Variants in RNF152 observed in about 807,000 individuals in gnomAD.
RNF152 encodes ring finger protein 152.
In RNF152, 11 loss-of-function variants were observed where a neutral mutation model predicts 12.7. The observed-to-expected ratio is 0.86, with a 90% confidence interval of 0.54 to 1.43. The LOEUF is 1.43. Ranked by LOEUF, RNF152 falls within the 40% of genes most tolerant of loss-of-function variation. RNF152 has a pLI of 0.00. For missense variants in RNF152, 255 were observed against 274.8 expected (o/e 0.93, Z 0.51); for synonymous variants, 113 against 120.3 (o/e 0.94, Z 0.40).
At chr18:61,869,189 A>G (rs1458009184) in intron 1 of RNF152, among the ~76,000 whole-genome samples, 1 of 152,196 alleles carries the variant, frequency 6.6e-6, no homozygotes. Flanking sequence ...ACAAAACCCT[A>G]ATTAGTAAAA....
chr18:61,875,307 T>C (rs1418441948), intron 1 of RNF152, among the ~76,000 whole-genome samples: 1 of 152,254 alleles, frequency 6.6e-6, no homozygotes. Flanking sequence ...GTAAAATCTT[T>C]TCAATATTTT....
chr18:61,851,496 T>C (rs1910976964), intron 1 of RNF152, among the ~76,000 whole-genome samples: 1 of 152,190 alleles, frequency 6.6e-6, no homozygotes, highest in Admixed American at 6.5e-5. Flanking sequence ...CTCCGTGCCT[T>C]ATCTCATCCT....
intron 1 of RNF152, among the ~76,000 whole-genome samples, chr18:61,833,554 A>C (rs1226498596): frequency 3.3e-5 from 5 of 152,188 alleles, no homozygotes; most frequent in African/African-American, 1.2e-4. Flanking sequence ...ACAGAACCAC[A>C]GACACACACA....
chr18:61,822,967 T>C (rs1043923938), intron 1 of RNF152, among the ~76,000 whole-genome samples: 1 of 152,244 alleles, frequency 6.6e-6, no homozygotes, highest in Admixed American at 6.5e-5. Flanking sequence ...TCATCTGGTA[T>C]TTCAGCTGGC....
chr18:61,876,811 C>T (rs1284626081), intron 1 of RNF152, among the ~76,000 whole-genome samples: 1 of 152,206 alleles, frequency 6.6e-6, no homozygotes, highest in Non-Finnish European at 1.5e-5. Context: ...GAGCCTGGCA[C>T]ACAATTCATG....
intron 1 of RNF152, among the ~76,000 whole-genome samples, chr18:61,884,212 G>A (rs188601745): frequency 7.1e-6 from 1 of 140,296 alleles, no homozygotes; most frequent in East Asian, 2.3e-4. Context: ...CAATGAGGTC[G>A]GTTCTCCCCC....
intron 1 of RNF152, among the ~76,000 whole-genome samples, chr18:61,830,846 G>A (rs1370700006): frequency 6.6e-6 from 1 of 152,164 alleles, no homozygotes; most frequent in Non-Finnish European, 1.5e-5. Flanking sequence ...TGTGACAAAG[G>A]TCAGTGAAGA....
At position 61,812,267 on chromosome 18, in the gene RNF152, A is replaced by G. The variant is rs1908839577; in HGVS notation, c.*3585T>C. 1.3e-5 allele frequency: 2 copies of G among 152,186 alleles called. No individual in the cohort carries two copies. Among genetic ancestry groups the G allele is most frequent in the Non-Finnish European group, 2.9e-5 (2 of 68,034 alleles). 9.4% of individuals were successfully genotyped at this position (152,186 alleles called of 1,614,324 possible). ...ACCCCATTTTAACTGCCTAAAAGTC[A>G]ATGTGCCTGGTGGCTACCGTACCAG... On this transcript the variant is annotated 3_prime_UTR_variant, in exon 2 of 2. Coordinates refer to ENST00000312828, the MANE Select transcript of RNF152 (RefSeq NM_173557.3).
intron 1 of RNF152, among the ~76,000 whole-genome samples, chr18:61,836,684 A>G (rs1242175044): frequency 2.0e-5 from 3 of 152,178 alleles, no homozygotes; most frequent in Admixed American, 1.3e-4. Context: ...TGGCAGCCCA[A>G]GCTAGCTAAG....
intron 1 of RNF152, among the ~76,000 whole-genome samples, chr18:61,832,087 G>T (rs769059100): frequency 2.0e-5 from 3 of 152,086 alleles, no homozygotes; most frequent in Non-Finnish European, 4.4e-5. Context: ...AACATCAAAT[G>T]TATTCAGTTT....
chr18:61,868,626 C>A (rs2144731890), intron 1 of RNF152, among the ~76,000 whole-genome samples: 1 of 152,148 alleles, frequency 6.6e-6, no homozygotes, highest in Admixed American at 6.5e-5. Context: ...TCTCATGAAC[C>A]CGGGAAGCAG....
At chr18:61,818,381 C>T (rs952978089) in intron 1 of RNF152, among the ~76,000 whole-genome samples, 11 of 151,950 alleles carry the variant, frequency 7.2e-5, no homozygotes, top group Admixed American at 7.2e-4. Context: ...CGTGTTTGCA[C>T]CACTGCACTC....
intron 1 of RNF152, among the ~76,000 whole-genome samples, chr18:61,841,721 C>G (rs748042834): frequency 2.0e-5 from 3 of 152,204 alleles, no homozygotes; most frequent in Non-Finnish European, 4.4e-5. Context: ...TCACTTAAGC[C>G]TCTCCATGAA....
At chr18:61,875,904 T>A (rs1178038168) in intron 1 of RNF152, among the ~76,000 whole-genome samples, 1 of 152,090 alleles carries the variant, frequency 6.6e-6, no homozygotes, top group African/African-American at 2.4e-5. Context: ...TCCATATTGA[T>A]GACTGCCAGA....
intron 1 of RNF152, among the ~76,000 whole-genome samples, chr18:61,876,025 TC>T (rs747134555): frequency 2.0e-5 from 3 of 152,094 alleles, no homozygotes; most frequent in Non-Finnish European, 4.4e-5. Context: ...ACCTTTCCAA[TC>T]CTTTTTCATA....
At position 61,867,657 on chromosome 18, in the gene RNF152, A is replaced by C. The variant is rs147083722; in HGVS notation, c.-136+25138T>G. Among the ~76,000 whole-genome samples the C allele has an allele frequency of 7.6e-4, 116 of 152,268 alleles. 4 individuals carry two copies. In the East Asian group the frequency reaches 0.021, roughly 28 times the overall value. On this transcript the variant is annotated intron_variant, in intron 1 of 1. Coordinates refer to ENST00000312828, the MANE Select transcript of RNF152 (RefSeq NM_173557.3). Reference sequence around the variant, plus strand: ...CCCCAACCCAGGGTGAACCGTATGTAAACCAGGCTGAACTCTCCACATCGC... The same window carrying C: ...CCCCAACCCAGGGTGAACCGTATGTCAACCAGGCTGAACTCTCCACATCGC...
intron 1 of RNF152, among the ~76,000 whole-genome samples, chr18:61,824,378 T>G (rs1909562088): frequency 6.6e-6 from 1 of 152,268 alleles, no homozygotes; most frequent in African/African-American, 2.4e-5. Context: ...AAAACACTGC[T>G]GGGTTTCCAA....
chr18:61,860,078 T>C (rs558868278), intron 1 of RNF152, among the ~76,000 whole-genome samples: 4 of 152,008 alleles, frequency 2.6e-5, no homozygotes, highest in Admixed American at 6.5e-5. Context: ...GAGACAGCCA[T>C]GTGATGACAG....
intron 1 of RNF152, among the ~76,000 whole-genome samples, chr18:61,853,892 T>C (rs541886968): frequency 2.0e-5 from 3 of 152,260 alleles, no homozygotes; most frequent in African/African-American, 7.2e-5. Flanking sequence ...CTGGGGTCCA[T>C]TATTCACCAC....
Sources: gnomAD v4.1 joint callset for allele counts (sites outside exome capture counted in the v4.1 genomes callset) on GRCh38, gnomAD v4.1.1 for gene constraint, MANE v1.5 for transcripts, NCBI Gene and HGNC (gene_info 2026-07-23, HGNC 2026-07-21) for gene names.